Variants in LAMB3 observed in about 807,000 individuals in gnomAD.
LAMB3 encodes the protein laminin subunit beta-3.
Under a neutral mutation model 140.3 loss-of-function variants are expected in LAMB3, and 104 were observed. That is an observed-to-expected ratio of 0.74 (90% confidence interval 0.63 to 0.87). LAMB3 has a LOEUF of 0.87. Among genes scored for constraint, LAMB3 ranks in the 40% least tolerant of loss-of-function variants. The probability of loss-of-function intolerance (pLI) is 0.00; values close to 1 mark genes in which losing one functional copy is unlikely to be tolerated. For missense variants in LAMB3, 1,531 were observed against 1,575.2 expected (o/e 0.97, Z 0.47); for synonymous variants, 592 against 602.9 (o/e 0.98, Z 0.26).
intron 3 of LAMB3, among the ~76,000 whole-genome samples, chr1:209,640,163 G>A (rs1298127769): frequency 1.3e-5 from 2 of 152,164 alleles, no homozygotes; most frequent in Non-Finnish European, 2.9e-5. Context: ...GTGCTTGGAG[G>A]TGCCCTTGGC....
intron 18 of LAMB3, among the ~76,000 whole-genome samples, chr1:209,622,066 A>G (rs1666215652): frequency 6.6e-6 from 1 of 152,206 alleles, no homozygotes; most frequent in Non-Finnish European, 1.5e-5. Flanking sequence ...AGCCCTGGAA[A>G]GAGGACTTCA....
Position 209,630,740 on chromosome 1 carries a change from G to A in LAMB3, c.823-5C>T. On this transcript the variant is annotated splice_region_variant and splice_polypyrimidine_tract_variant and intron_variant, in intron 8 of 22. Transcript: ENST00000356082. The stretch of plus-strand genomic sequence containing the variant: ...GCAGACACAGACATCGTGGACCTGG[G>A]AGGGGGACCGTCAGCCATCAGGAGT... The A allele has an allele frequency of 3.1e-6, 5 of 1,613,820 alleles. No homozygotes were observed. Among genetic ancestry groups the A allele is most frequent in the Non-Finnish European group, 4.2e-6 (5 of 1,179,964 alleles).
chr1:209,649,400 A>C (rs1289956634), intron 3 of LAMB3, among the ~76,000 whole-genome samples: 1 of 152,244 alleles, frequency 6.6e-6, no homozygotes, highest in Non-Finnish European at 1.5e-5. Context: ...GACAAATTAG[A>C]AGAAAAGTTT....
chr1:209,625,560 G>C, intron 14 of LAMB3, 88 bp downstream of exon 14: 2 of 1,503,574 alleles, frequency 1.3e-6, no homozygotes, highest in Admixed American at 3.3e-5. Context: ...GTAATGCACT[G>C]TACAAATGTA....
Position 209,625,760 on chromosome 1 carries a change from A to G in LAMB3, c.1864T>C (p.Ser622Pro), listed in dbSNP as rs774009013. The G allele has an allele frequency of 6.2e-7, 1 of 1,614,084 alleles. No homozygotes were observed. The highest frequency in any genetic ancestry group is 1.3e-5 in the African/African-American group (1 of 75,024). ...TTACTCTTTGCATCTAGGATCCGGGAGGCCAGGCCACGGTCCTCCAGCCCA... is the reference window on the plus strand; with the variant it reads ...TTACTCTTTGCATCTAGGATCCGGGGGGCCAGGCCACGGTCCTCCAGCCCA... Reference protein sequence around the residue: ...GPGLEDRGLASRILDAKSKIE... With the variant: ...GPGLEDRGLAPRILDAKSKIE... The change falls in exon 14 of 23, where the codon TCC (serine) becomes CCC (proline). Residue 622 changes from serine (S) to proline (P), a missense_variant. Transcript: ENST00000356082.
Position 209,615,388 on chromosome 1 carries a change from C to T in LAMB3, c.3402G>A (p.Leu1134=), listed in dbSNP as rs1337872654. The change falls in exon 23 of 23, where the codon CTG becomes CTA. Residue 1134 remains leucine, a synonymous_variant. Coordinates refer to ENST00000356082, the MANE Select transcript of LAMB3 (RefSeq NM_000228.3). ...GCAGCATGATGGCCTGGCTGCCCCG[C>T]AGCAGCTCCAACTCCATGTCTGAGG... ...DRMKDMELEL[L]RGSQAIMLRS... 1 of 1,606,570 alleles carries T rather than the reference C, an allele frequency of 6.2e-7. No individual in the cohort carries two copies. Among genetic ancestry groups the T allele is most frequent in the Non-Finnish European group, 8.5e-7 (1 of 1,175,232 alleles).
At chr1:209,629,379 A>G (rs1362669471) in intron 10 of LAMB3, among the ~76,000 whole-genome samples, 1 of 152,234 alleles carries the variant, frequency 6.6e-6, no homozygotes, top group Non-Finnish European at 1.5e-5. Flanking sequence ...AAAGGCAATC[A>G]TATACATACG....
intron 6 of LAMB3, 53 bp from the exon 7 acceptor site, chr1:209,633,186 C>T (rs1477207045): frequency 1.9e-5 from 25 of 1,339,148 alleles, no homozygotes; most frequent in Admixed American, 5.0e-5. Context: ...TAGTGTGCCC[C>T]GAGTTCAGAA....
chr1:209,632,558 T>C, intron 8 of LAMB3, 25 bp downstream of exon 8: 1 of 1,605,778 alleles, frequency 6.2e-7, no homozygotes, highest in Non-Finnish European at 8.5e-7. Flanking sequence ...CCCCTTCCTC[T>C]CCCCTTCCCA....
chr1:209,632,443 T>C, intron 8 of LAMB3, 140 bp downstream of exon 8: 1 of 643,150 alleles, frequency 1.6e-6, no homozygotes, highest in Non-Finnish European at 2.7e-6. Flanking sequence ...ACCACTTCGA[T>C]TTTTTGTTGT....
At chr1:209,650,312 C>T (rs1339661842) in intron 2 of LAMB3, among the ~76,000 whole-genome samples, 194 bp from the exon 3 acceptor site, 13 of 152,204 alleles carry the variant, frequency 8.5e-5, no homozygotes, top group African/African-American at 2.7e-4. Context: ...TATTCCAGAA[C>T]TCAAAACTTG....
At chr1:209,646,883 C>T (rs984094099) in intron 3 of LAMB3, among the ~76,000 whole-genome samples, 1 of 152,198 alleles carries the variant, frequency 6.6e-6, no homozygotes, top group African/African-American at 2.4e-5. Context: ...TAAATGAGGG[C>T]AGGGAAGCAT....
At position 209,645,908 on chromosome 1, in the gene LAMB3, C is replaced by T. The variant is rs147489469; in HGVS notation, c.183+4056G>A. On this transcript the variant is annotated intron_variant, in intron 3 of 22. Coordinates refer to ENST00000356082, the MANE Select transcript of LAMB3 (RefSeq NM_000228.3). ...GTGGTCGTTGGAGTGTGTGTGTCAG[C>T]GGGCAGGGGGATAAGGGTGCATTTA... 8.5e-4 allele frequency among the ~76,000 whole-genome samples: 130 copies of T among 152,234 alleles called. 1 individual carries two copies. In the East Asian group the frequency reaches 0.023, roughly 27 times the overall value.
At chr1:209,630,476 G>T in intron 9 of LAMB3, 139 bp downstream of exon 9, 1 of 994,216 alleles carries the variant, frequency 1.0e-6, no homozygotes, top group Non-Finnish European at 1.5e-6. Context: ...AGGAGAGCTT[G>T]AATTGTAATG....
Position 209,638,648 on chromosome 1 carries a change from A to G in LAMB3, c.184T>C (p.Trp62Arg). Residue 62 changes from tryptophan to arginine, a missense_variant and splice_region_variant, in exon 4 of 23, where the codon TGG becomes CGG. Transcript: ENST00000356082. The part of the protein sequence containing the change: ...PETYCTQYGE[W>R]QMKCCKCDSR... Reference sequence around the variant, plus strand: ...TCACACTTGCAGCATTTCATCTGCCACTGTGGGAGAGGGAGATAGCAGACA... The same window carrying G: ...TCACACTTGCAGCATTTCATCTGCCGCTGTGGGAGAGGGAGATAGCAGACA... The G allele has an allele frequency of 1.2e-6, 2 of 1,602,082 alleles. No homozygotes were observed. The highest frequency in any genetic ancestry group is 1.7e-6 in the Non-Finnish European group (2 of 1,168,974).
At chr1:209,641,082 CAAAA>C (rs61080331) in intron 3 of LAMB3, among the ~76,000 whole-genome samples, 1 of 101,418 alleles carries the variant, frequency 9.9e-6, no homozygotes, top group Non-Finnish European at 2.1e-5. Context: ...GACTCTGTCT[CAAAA>C]AAAAAAAAAA....
At chr1:209,640,156 C>T (rs1280926252) in intron 3 of LAMB3, among the ~76,000 whole-genome samples, 1 of 152,196 alleles carries the variant, frequency 6.6e-6, no homozygotes, top group Non-Finnish European at 1.5e-5. Flanking sequence ...CTTCCTAGTG[C>T]TTGGAGGTGC....
chr1:209,620,898 C>T (rs746256537), intron 18 of LAMB3, among the ~76,000 whole-genome samples: 4 of 152,202 alleles, frequency 2.6e-5, no homozygotes, highest in African/African-American at 4.8e-5. Flanking sequence ...GACCCTATAT[C>T]GGACAGCAGC....
At chr1:209,635,708 T>C (rs1666873466) in intron 5 of LAMB3, among the ~76,000 whole-genome samples, 1 of 152,238 alleles carries the variant, frequency 6.6e-6, no homozygotes, top group African/African-American at 2.4e-5. Context: ...CAGCTAATCA[T>C]ATTTTTAGTA....
Sources: gnomAD v4.1 joint callset for allele counts (sites outside exome capture counted in the v4.1 genomes callset) on GRCh38, gnomAD v4.1.1 for gene constraint, MANE v1.5 for transcripts, NCBI Gene and HGNC (gene_info 2026-07-23, HGNC 2026-07-21) for gene names.